KCNJ6: variants seen among roughly 807,000 people sequenced by gnomAD.
KCNJ6 encodes potassium inwardly rectifying channel subfamily J member 6.
A neutral mutation model predicts 34.2 loss-of-function variants in KCNJ6; 9 were observed. That is an observed-to-expected ratio of 0.26 (90% CI 0.16 to 0.46). KCNJ6 has a LOEUF of 0.46. Among genes scored for constraint, KCNJ6 ranks in the 20% least tolerant of loss-of-function variants. The probability of loss-of-function intolerance (pLI) is 1.00; values close to 1 mark genes in which losing one functional copy is unlikely to be tolerated. For missense variants in KCNJ6, 236 were observed against 531.3 expected (o/e 0.44, Z 5.46); for synonymous variants, 196 against 207.1 (o/e 0.95, Z 0.46).
rs2054250582 is a variant in KCNJ6 at position 37,613,617 on chromosome 21, T to A, written c.*11542A>T. The A allele has an allele frequency of 6.6e-6, 1 of 152,130 alleles. No individual in the cohort carries two copies. 9.4% of individuals were successfully genotyped at this position (152,130 alleles called of 1,614,324 possible). Reference sequence around the variant, plus strand: ...AGTGAGCTCTCAAGCCATAAAAAGATATGAGGGAAACTTAAATGCATGTTA... The same window carrying A: ...AGTGAGCTCTCAAGCCATAAAAAGAAATGAGGGAAACTTAAATGCATGTTA... On this transcript the variant is annotated 3_prime_UTR_variant, in exon 4 of 4. Transcript: ENST00000609713.
chr21:37,867,987 C>A lies in KCNJ6; in HGVS notation c.-27-27278G>T, dbSNP rs145583191. On this transcript the variant is annotated intron_variant, in intron 1 of 3. Transcript: ENST00000609713. Reference sequence around the variant, plus strand: ...AGGTCCAGGGCTGGGCAGCAGAAATCGCTAGTTCTTGTGTGGATGGAAACA... The same window carrying A: ...AGGTCCAGGGCTGGGCAGCAGAAATAGCTAGTTCTTGTGTGGATGGAAACA... 4.4e-3 allele frequency among the ~76,000 whole-genome samples: 671 copies of A among 152,292 alleles called. 3 individuals carry two copies. Among genetic ancestry groups the A allele is most frequent in the Middle Eastern group, 0.01 (3 of 294 alleles).
chr21:37,816,532 G>GT (rs1321941448), intron 2 of KCNJ6, among the ~76,000 whole-genome samples: 6 of 152,184 alleles, frequency 3.9e-5, no homozygotes, highest in Non-Finnish European at 5.9e-5. Context: ...AATCTTTTGT[G>GT]TAAGTCTGTG....
In KCNJ6 at chr21:37,859,520, TATATATATATAA is replaced by T. The variant is rs1287987913; in HGVS notation, c.-27-18823_-27-18812del. Among the ~76,000 whole-genome samples the T allele has an allele frequency of 8.3e-3, 835 of 100,730 alleles. 57 individuals carry two copies. Among genetic ancestry groups the T allele is most frequent in the African/African-American group, 0.024 (467 of 19,492 alleles). 66.1% of individuals were successfully genotyped at this position (100,730 alleles called of 152,430 possible). A position where few individuals can be genotyped will look rare whatever the true frequency, so the allele number is the denominator to read the frequency against. ...ATATATATATATATATATATATATA[TATATATATATAA>T]AATACTTAAAAAGCTCTACAGATGA... On this transcript the variant is annotated intron_variant, in intron 1 of 3. Transcript: ENST00000609713.
intron 2 of KCNJ6, among the ~76,000 whole-genome samples, chr21:37,769,285 G>A (rs1601463206): frequency 6.6e-6 from 1 of 151,982 alleles, no homozygotes; most frequent in African/African-American, 2.4e-5. Context: ...ATGTGTGTAT[G>A]CCAGCCTCTG....
chr21:37,862,189 A>G (rs1430280035), intron 1 of KCNJ6, among the ~76,000 whole-genome samples: 2 of 152,214 alleles, frequency 1.3e-5, no homozygotes, highest in Non-Finnish European at 2.9e-5. Flanking sequence ...TTTGCTTACA[A>G]TCAGGTGAAC....
chr21:37,776,564 G>C (rs911456426), intron 2 of KCNJ6, among the ~76,000 whole-genome samples: 2 of 152,190 alleles, frequency 1.3e-5, no homozygotes, highest in African/African-American at 4.8e-5. Flanking sequence ...ATGAAGGGCT[G>C]TTGAATTTTG....
intron 2 of KCNJ6, among the ~76,000 whole-genome samples, chr21:37,774,941 G>A (rs2055135168): frequency 6.6e-6 from 1 of 152,196 alleles, no homozygotes; most frequent in African/African-American, 2.4e-5. Flanking sequence ...TTCCACAATG[G>A]TTGAACTAGT....
chr21:37,722,341 A>G (rs1251592645), intron 2 of KCNJ6, among the ~76,000 whole-genome samples: 1 of 152,268 alleles, frequency 6.6e-6, no homozygotes, highest in East Asian at 1.9e-4. Context: ...GGAAGAATCA[A>G]TATCATTAAA....
intron 3 of KCNJ6, among the ~76,000 whole-genome samples, chr21:37,635,810 C>T (rs114929618): frequency 0.017 from 2,652 of 152,320 alleles, 71 homozygotes; most frequent in African/African-American, 0.059. Flanking sequence ...CGCCACCACA[C>T]CCAGCTAAAT....
At chr21:37,805,616 G>A (rs2055289910) in intron 2 of KCNJ6, among the ~76,000 whole-genome samples, 1 of 112,026 alleles carries the variant, frequency 8.9e-6, no homozygotes, top group Non-Finnish European at 2.1e-5. Context: ...AAAAGGATGT[G>A]ACTTTATTTG....
At chr21:37,816,531 T>C (rs2055347906) in intron 2 of KCNJ6, among the ~76,000 whole-genome samples, 2 of 152,246 alleles carry the variant, frequency 1.3e-5, no homozygotes, top group Admixed American at 6.5e-5. Context: ...CAATCTTTTG[T>C]GTAAGTCTGT....
At chr21:37,894,873 GT>G (rs199885201) in intron 1 of KCNJ6, among the ~76,000 whole-genome samples, 32 of 151,632 alleles carry the variant, frequency 2.1e-4, no homozygotes, top group Middle Eastern at 3.4e-3. Context: ...AGTCTCACCA[GT>G]TTTTTTTTAA....
intron 1 of KCNJ6, among the ~76,000 whole-genome samples, chr21:37,856,177 C>T (rs2055564495): frequency 1.3e-5 from 2 of 152,146 alleles, no homozygotes; most frequent in Admixed American, 6.5e-5. Flanking sequence ...CTTCAGATTC[C>T]CTGCATTTTA....
chr21:37,666,414 C>G (rs1002445607), intron 3 of KCNJ6, among the ~76,000 whole-genome samples: 1 of 123,508 alleles, frequency 8.1e-6, no homozygotes, highest in South Asian at 3.0e-4. Flanking sequence ...GACATCCAAC[C>G]CCAACCCTTG....
intron 1 of KCNJ6, among the ~76,000 whole-genome samples, chr21:37,852,483 G>A (rs991217137): frequency 6.6e-6 from 1 of 152,172 alleles, no homozygotes; most frequent in African/African-American, 2.4e-5. Flanking sequence ...AGACCCAGTA[G>A]GGATCCTGAG....
chr21:37,632,528 A>G (rs2054338435), intron 3 of KCNJ6, among the ~76,000 whole-genome samples: 1 of 152,172 alleles, frequency 6.6e-6, no homozygotes, highest in Admixed American at 6.5e-5. Flanking sequence ...ATAAATTAAT[A>G]AAATATAAAA....
At chr21:37,892,854 GTT>G (rs778761855) in intron 1 of KCNJ6, among the ~76,000 whole-genome samples, 8 of 138,346 alleles carry the variant, frequency 5.8e-5, no homozygotes, top group Admixed American at 7.4e-5. Flanking sequence ...TTCTTTCATA[GTT>G]TTTTTTTTTT....
At chr21:37,731,382 A>G (rs2054884396) in intron 2 of KCNJ6, among the ~76,000 whole-genome samples, 1 of 152,202 alleles carries the variant, frequency 6.6e-6, no homozygotes, top group African/African-American at 2.4e-5. Context: ...AGATCTGGTA[A>G]GTGGGAAGAT....
At chr21:37,812,047 A>C (rs2055325378) in intron 2 of KCNJ6, among the ~76,000 whole-genome samples, 2 of 152,242 alleles carry the variant, frequency 1.3e-5, no homozygotes, top group South Asian at 4.1e-4. Flanking sequence ...TCAGACATGG[A>C]ATAGCTAAAC....
Sources: gnomAD v4.1 joint callset for allele counts (sites outside exome capture counted in the v4.1 genomes callset) on GRCh38, gnomAD v4.1.1 for gene constraint, MANE v1.5 for transcripts, NCBI Gene and HGNC (gene_info 2026-07-23, HGNC 2026-07-21) for gene names.